The following ANKRD6 variants were observed in gnomAD, a reference collection of about 807,000 sequenced individuals.
The protein encoded by ANKRD6 is ankyrin repeat domain-containing protein 6.
In ANKRD6, 56 loss-of-function variants were observed where a neutral mutation model predicts 82.3. The observed-to-expected ratio is 0.68, with a 90% CI of 0.55 to 0.85. The LOEUF (loss-of-function observed/expected upper bound fraction) is 0.85, where lower values mean the gene tolerates loss of function less well. Ranked by LOEUF, ANKRD6 falls within the 40% of genes least tolerant of loss-of-function variation. The pLI, the probability that ANKRD6 is intolerant of heterozygous loss-of-function variation, is 0.00. For missense variants in ANKRD6, 852 were observed against 907.6 expected, an observed-to-expected ratio of 0.94 and a Z score of 0.79; for synonymous variants, 347 against 352.1, an observed-to-expected ratio of 0.99 and a Z score of 0.16.
At chr6:89,511,071 C>T (rs1371066769) in intron 1 of ANKRD6, among the ~76,000 whole-genome samples, 2 of 152,218 alleles carry the variant, frequency 1.3e-5, no homozygotes, top group Non-Finnish European at 2.9e-5. Context: ...GTGAAAGCAG[C>T]TACCCTTGAC....
chr6:89,570,363 T>C (rs75852075), intron 2 of ANKRD6, among the ~76,000 whole-genome samples: 11,260 of 152,248 alleles, frequency 0.074, 524 homozygotes, highest in Middle Eastern at 0.15. Flanking sequence ...GCCTGGCCTT[T>C]CTTTTATATT....
In ANKRD6 at chr6:89,518,470, C is replaced by T. The variant is rs985904760; in HGVS notation, c.-143-48364C>T. The stretch of plus-strand genomic sequence containing the variant: ...GTGATCTGAATGAAAGGAATGAACA[C>T]GAGTCCATGGGAACATGGAACAACA... On this transcript the variant is annotated intron_variant, in intron 1 of 15. Coordinates refer to ENST00000339746, the MANE Select transcript of ANKRD6 (RefSeq NM_001242809.2). 4.6e-5 allele frequency among the ~76,000 whole-genome samples: 7 copies of T among 151,738 alleles called. No individual in the cohort carries two copies. The South Asian group carries it at 6.2e-4, about 14-fold the overall frequency.
intron 1 of ANKRD6, among the ~76,000 whole-genome samples, chr6:89,493,727 T>C (rs1054856457): frequency 6.6e-6 from 1 of 152,164 alleles, no homozygotes; most frequent in Non-Finnish European, 1.5e-5. Flanking sequence ...GTCTGTCTCT[T>C]ATAAGGATAC....
chr6:89,617,476 T>C (rs1006362533), intron 8 of ANKRD6, among the ~76,000 whole-genome samples: 1 of 152,224 alleles, frequency 6.6e-6, no homozygotes, highest in African/African-American at 2.4e-5. Context: ...ATATTCAACT[T>C]CCTGAATCTC....
At chr6:89,544,512 A>C (rs570970092) in intron 1 of ANKRD6, among the ~76,000 whole-genome samples, 1 of 152,238 alleles carries the variant, frequency 6.6e-6, no homozygotes, top group South Asian at 2.1e-4. Context: ...CAGGAGATCG[A>C]GACCATCCTG....
intron 2 of ANKRD6, among the ~76,000 whole-genome samples, chr6:89,585,447 G>A (rs1337993248): frequency 6.6e-6 from 1 of 152,158 alleles, no homozygotes; most frequent in Non-Finnish European, 1.5e-5. Context: ...TATACTTAAT[G>A]CCACTGAATT....
At chr6:89,457,157 C>T (rs1047913345) in intron 1 of ANKRD6, among the ~76,000 whole-genome samples, 9 of 152,152 alleles carry the variant, frequency 5.9e-5, no homozygotes, top group African/African-American at 2.2e-4. Flanking sequence ...AGCTGGCTTC[C>T]ACCAGAGCAA....
intron 4 of ANKRD6, 126 bp downstream of exon 4, chr6:89,603,253 T>C (rs988941266): frequency 1.2e-5 from 8 of 680,992 alleles, no homozygotes; most frequent in African/African-American, 1.8e-5. Context: ...TTACCACTTA[T>C]GATTTAACAT....
chr6:89,493,850 C>T (rs1336835316), intron 1 of ANKRD6, among the ~76,000 whole-genome samples: 5 of 152,154 alleles, frequency 3.3e-5, no homozygotes, highest in African/African-American at 1.2e-4. Context: ...ACTCTTTTGT[C>T]ATATAAGGTA....
intron 1 of ANKRD6, chr6:89,561,565 T>A (rs558938713): frequency 5.9e-5 from 9 of 152,340 alleles, no homozygotes; most frequent in African/African-American, 2.2e-4. Context: ...GCTTTATTCT[T>A]CCTTCCCACT....
At chr6:89,468,889 T>A (rs1775143368) in intron 1 of ANKRD6, among the ~76,000 whole-genome samples, 1 of 152,162 alleles carries the variant, frequency 6.6e-6, no homozygotes, top group Non-Finnish European at 1.5e-5. Flanking sequence ...TCCCGCCCCT[T>A]ACCTCCTCAC....
rs1034202548 is a variant in ANKRD6 at position 89,633,610 on chromosome 6, T to A, written c.*2606T>A. On this transcript the variant is annotated 3_prime_UTR_variant, in exon 16 of 16. Coordinates refer to ENST00000339746, the MANE Select transcript of ANKRD6 (RefSeq NM_001242809.2). ...AGTGCATTATTGAGTATACTAAATA[T>A]CTGTGATTAAATAAATTAGTTCTAA... The A allele has an allele frequency of 1.3e-5, 2 of 152,268 alleles. No homozygotes were observed. The highest frequency in any genetic ancestry group is 2.4e-5 in the African/African-American group (1 of 41,478). 9.4% of individuals were successfully genotyped at this position (152,268 alleles called of 1,614,324 possible). A position where few individuals can be genotyped will look rare whatever the true frequency, so the allele number is the denominator to read the frequency against.
chr6:89,528,703 G>C (rs374553204), intron 1 of ANKRD6, among the ~76,000 whole-genome samples: 7 of 152,300 alleles, frequency 4.6e-5, no homozygotes, highest in Admixed American at 3.3e-4. Flanking sequence ...TACTGTGGTA[G>C]CTTTGGCCTT....
chr6:89,463,843 G>A (rs927279581), intron 1 of ANKRD6, among the ~76,000 whole-genome samples: 2 of 152,070 alleles, frequency 1.3e-5, no homozygotes, highest in African/African-American at 4.8e-5. Context: ...AAGCCACCAC[G>A]CCCAGTCAAA....
At chr6:89,574,262 G>A (rs967763010) in intron 2 of ANKRD6, among the ~76,000 whole-genome samples, 2 of 152,160 alleles carry the variant, frequency 1.3e-5, no homozygotes, top group Non-Finnish European at 1.5e-5. Flanking sequence ...AGCAGCATCT[G>A]TGGCTTCTTG....
chr6:89,568,722 T>C (rs1789091686), intron 2 of ANKRD6, among the ~76,000 whole-genome samples: 1 of 152,050 alleles, frequency 6.6e-6, no homozygotes, highest in Admixed American at 6.5e-5. Flanking sequence ...CTCCCTGCTA[T>C]GTGAGGACAC....
At chr6:89,559,191 A>G (rs772388128) in intron 1 of ANKRD6, among the ~76,000 whole-genome samples, 11 of 152,142 alleles carry the variant, frequency 7.2e-5, no homozygotes, top group Non-Finnish European at 1.3e-4. Flanking sequence ...TAACACCATC[A>G]CTGGTCTTTG....
chr6:89,518,653 T>C (rs1781522886), intron 1 of ANKRD6, among the ~76,000 whole-genome samples: 1 of 151,746 alleles, frequency 6.6e-6, no homozygotes, highest in Non-Finnish European at 1.5e-5. Flanking sequence ...AAAAAAAGCA[T>C]AACACTGATG....
intron 1 of ANKRD6, among the ~76,000 whole-genome samples, chr6:89,477,632 G>A (rs1389318291): frequency 4.0e-5 from 6 of 151,880 alleles, no homozygotes; most frequent in African/African-American, 1.2e-4. Context: ...TTAGCCAGGC[G>A]TGGTGGCGGG....
Sources: allele counts gnomAD v4.1 joint callset (sites outside exome capture counted in the v4.1 genomes callset), GRCh38; gene constraint gnomAD v4.1.1; transcripts MANE v1.5; gene names NCBI Gene and HGNC (gene_info 2026-07-23, HGNC 2026-07-21).